The following DDX10 variants were observed in gnomAD, a reference collection of about 807,000 sequenced individuals.
DDX10 encodes probable ATP-dependent RNA helicase DDX10.
In DDX10, 74 loss-of-function variants were observed where a neutral mutation model predicts 104.3. That is an observed-to-expected ratio of 0.71 (90% CI 0.59 to 0.86). The LOEUF is 0.86. Ranked by LOEUF, DDX10 falls within the 40% of genes least tolerant of loss-of-function variation. The pLI, the probability that DDX10 is intolerant of heterozygous loss-of-function variation, is 0.00. For missense variants in DDX10, 952 were observed against 1,040.0 expected (o/e 0.92, Z 1.16); for synonymous variants, 351 against 353.4 (o/e 0.99, Z 0.08).
intron 13 of DDX10, among the ~76,000 whole-genome samples, chr11:108,745,018 G>C (rs1444338517): frequency 1.3e-5 from 2 of 150,114 alleles, no homozygotes; most frequent in Admixed American, 1.3e-4. Flanking sequence ...AATGAAACAA[G>C]TGAAGGAAAA....
chr11:108,753,446 T>C (rs1192548902), intron 13 of DDX10, among the ~76,000 whole-genome samples: 2 of 152,090 alleles, frequency 1.3e-5, no homozygotes, highest in Non-Finnish European at 2.9e-5. Flanking sequence ...ATGGTACATA[T>C]TATGTACGTA....
At chr11:108,836,983 A>G (rs1443316959) in intron 13 of DDX10, among the ~76,000 whole-genome samples, 1 of 152,142 alleles carries the variant, frequency 6.6e-6, no homozygotes, top group African/African-American at 2.4e-5. Context: ...GTGATTCCCT[A>G]TGGTACAGAG....
At chr11:108,826,697 A>C (rs1862400538) in intron 13 of DDX10, among the ~76,000 whole-genome samples, 1 of 152,212 alleles carries the variant, frequency 6.6e-6, no homozygotes, top group Admixed American at 6.5e-5. Context: ...AGGGCCACAA[A>C]GATGAGGAAG....
intron 16 of DDX10, among the ~76,000 whole-genome samples, chr11:108,867,195 A>G (rs1238874385): frequency 6.6e-6 from 1 of 152,224 alleles, no homozygotes; most frequent in African/African-American, 2.4e-5. Flanking sequence ...GAGCAGTACA[A>G]GTTAAAATAG....
chr11:108,828,757 G>T (rs530331776), intron 13 of DDX10, among the ~76,000 whole-genome samples: 1 of 152,284 alleles, frequency 6.6e-6, no homozygotes, highest in South Asian at 2.1e-4. Flanking sequence ...CTGAGTAGCT[G>T]GGACTACAGG....
chr11:108,688,789 A>G, intron 6 of DDX10, 147 bp from the exon 7 acceptor site: 1 of 709,658 alleles, frequency 1.4e-6, no homozygotes, highest in Non-Finnish European at 2.3e-6. Flanking sequence ...CTAAGGGACA[A>G]TAGAGAAAAA....
At chr11:108,820,144 A>G (rs989119296) in intron 13 of DDX10, among the ~76,000 whole-genome samples, 1 of 152,196 alleles carries the variant, frequency 6.6e-6, no homozygotes, top group Non-Finnish European at 1.5e-5. Context: ...AGTTCCTCAA[A>G]AGGGTGGTTG....
At chr11:108,730,290 A>G (rs2094310437) in intron 13 of DDX10, among the ~76,000 whole-genome samples, 2 of 152,320 alleles carry the variant, frequency 1.3e-5, no homozygotes, top group African/African-American at 4.8e-5. Context: ...TTTCTCAACC[A>G]CTAGGACCTA....
rs768583667 is a variant in DDX10, at chr11:108,940,252, C to T, written c.2457C>T (p.Thr819=). 4 of 1,613,192 alleles carry T rather than the reference C, an allele frequency of 2.5e-6. No individual in the cohort carries two copies. The African/African-American group carries it at 4.0e-5, about 16-fold the overall frequency. Residue 819 remains threonine (T), a synonymous_variant, in exon 18 of 18, where the codon ACC becomes ACT. Transcript: ENST00000322536. The stretch of plus-strand genomic sequence containing the variant: ...TTGGATTTCTTCTCACCAGTGATAC[C>T]AAGAAGAAGCAGGGGATGAAGAAGA... ...SEDMENKISD[T]KKKQGMKKRS...
At chr11:108,722,131 C>T (rs143154408) in intron 12 of DDX10, among the ~76,000 whole-genome samples, 2 of 152,306 alleles carry the variant, frequency 1.3e-5, no homozygotes, top group Non-Finnish European at 2.9e-5. Context: ...GATCTCACAG[C>T]TAGTAAGTGG....
chr11:108,722,858 T>C lies in DDX10; in HGVS notation c.1500-139T>C, dbSNP rs1469171424. ...TTACTTTTTGGATCAACTAACCTGT[T>C]AGTATTGAGTTGTATCTCACAGGAA... On this transcript the variant is annotated intron_variant, in intron 12 of 17. Transcript: ENST00000322536. The C allele has an allele frequency of 7.7e-6, 10 of 1,305,736 alleles. No individual in the cohort carries two copies. In the Admixed American group the frequency reaches 9.2e-5, roughly 12 times the overall value. 80.9% of individuals were successfully genotyped at this position (1,305,736 alleles called of 1,614,324 possible). A position where few individuals can be genotyped will look rare whatever the true frequency, so the allele number is the denominator to read the frequency against.
intron 13 of DDX10, among the ~76,000 whole-genome samples, chr11:108,726,842 G>A (rs1434694672): frequency 1.3e-5 from 2 of 151,968 alleles, no homozygotes; most frequent in African/African-American, 4.8e-5. Flanking sequence ...AAATGCCTAT[G>A]AGTTTGAGAA....
intron 6 of DDX10, among the ~76,000 whole-genome samples, chr11:108,686,091 CTG>C (rs753256290): frequency 6.6e-6 from 1 of 152,138 alleles, no homozygotes; most frequent in Admixed American, 6.5e-5. Context: ...TCTTTAAAGA[CTG>C]TTTTTTTAGA....
chr11:108,686,706 C>T (rs920807503), intron 6 of DDX10, among the ~76,000 whole-genome samples: 10 of 152,142 alleles, frequency 6.6e-5, no homozygotes, highest in African/African-American at 1.7e-4. Context: ...AATAAACATC[C>T]TTTTGCAGAT....
chr11:108,934,938 C>T (rs1392999045), intron 17 of DDX10, among the ~76,000 whole-genome samples: 8 of 152,242 alleles, frequency 5.3e-5, no homozygotes, highest in African/African-American at 9.6e-5. Context: ...CTGTTAACTC[C>T]GCTGGAAGTC....
At chr11:108,667,142 G>GAT (rs1250924266) in intron 1 of DDX10, among the ~76,000 whole-genome samples, 1 of 152,202 alleles carries the variant, frequency 6.6e-6, no homozygotes, top group African/African-American at 2.4e-5. Context: ...CTCTGTAAAT[G>GAT]ATAGTGAATG....
rs551283225 is a variant in DDX10, at chr11:108,929,167, A to G, written c.2451-11079A>G. Among the ~76,000 whole-genome samples, 22 of 152,358 alleles carry G rather than the reference A, an allele frequency of 1.4e-4. No homozygotes were observed. The South Asian group carries it at 4.6e-3, about 32-fold the overall frequency. On this transcript the variant is annotated intron_variant, in intron 17 of 17. Transcript: ENST00000322536. The stretch of plus-strand genomic sequence containing the variant: ...TGGCAGAGAGCAATAAAGAAGAGAT[A>G]CTGGACCCCAGCCCCTCATAGAGCG...
intron 17 of DDX10, among the ~76,000 whole-genome samples, chr11:108,937,687 A>T (rs2134680484): frequency 6.6e-6 from 1 of 152,274 alleles, no homozygotes; most frequent in Non-Finnish European, 1.5e-5. Flanking sequence ...CTGTTGTATG[A>T]TATGTCCTTT....
intron 16 of DDX10, among the ~76,000 whole-genome samples, chr11:108,858,804 A>T (rs922215289): frequency 5.3e-5 from 8 of 152,132 alleles, no homozygotes; most frequent in Admixed American, 1.3e-4. Flanking sequence ...CTCAAGTTGC[A>T]TATGGAAAAC....
Sources: gnomAD v4.1 joint callset for allele counts (sites outside exome capture counted in the v4.1 genomes callset) on GRCh38, gnomAD v4.1.1 for gene constraint, MANE v1.5 for transcripts, NCBI Gene and HGNC (gene_info 2026-07-23, HGNC 2026-07-21) for gene names.